The following LCK variants were observed in gnomAD, a reference collection of about 807,000 sequenced individuals.
LCK encodes LCK proto-oncogene, Src family tyrosine kinase.
Under a neutral mutation model 64.6 loss-of-function variants are expected in LCK, and 14 were observed. That is an observed-to-expected ratio of 0.22 (90% CI 0.14 to 0.34). The LOEUF (loss-of-function observed/expected upper bound fraction) is 0.34, where lower values mean the gene tolerates loss of function less well. LCK is among the 10% of genes least tolerant of loss of function. The pLI is 1.00. For missense variants in LCK, 434 were observed against 668.1 expected (o/e 0.65, Z 3.86); for synonymous variants, 277 against 263.6 (o/e 1.05, Z -0.49).
At chr1:32,268,086 A>G (rs1639973959) in intron 1 of LCK, among the ~76,000 whole-genome samples, 2 of 148,654 alleles carry the variant, frequency 1.3e-5, no homozygotes, top group African/African-American at 5.0e-5. Context: ...CCCAGCTACT[A>G]GGGAGGCTGA....
At chr1:32,257,194 G>A (rs1328861490) in intron 1 of LCK, among the ~76,000 whole-genome samples, 2 of 151,696 alleles carry the variant, frequency 1.3e-5, no homozygotes, top group African/African-American at 4.8e-5. Context: ...GAAGTGCAGA[G>A]GTTTAGTAAG....
chr1:32,276,851 G>A lies in LCK; in HGVS notation c.964+65G>A, dbSNP rs1488245715. 1.4e-6 allele frequency: 2 copies of A among 1,421,328 alleles called. No individual in the cohort carries two copies. Among genetic ancestry groups the A allele is most frequent in the African/African-American group, 1.4e-5 (1 of 69,970 alleles). The allele number at this position is 1,421,328 out of a possible 1,614,324, so 88.0% of individuals were successfully genotyped here. ...TCCCTGCTGTCCCTGCCAGAGGGTG[G>A]AAATACACCTTTTCTTCTGGCCCAA... On this transcript the variant is annotated intron_variant, in intron 9 of 12. Transcript: ENST00000336890. This position sits in a 1 kb window ranked among gnomAD's most constrained non-coding sequence, Gnocchi z 4.6.
At position 32,276,392 on chromosome 1, in the gene LCK, C is replaced by T; in HGVS notation, c.687C>T (p.Pro229=). The T allele has an allele frequency of 6.2e-7, 1 of 1,611,894 alleles. No individual in the cohort carries two copies. Residue 229 remains proline, a synonymous_variant, in exon 8 of 13, where the codon CCC becomes CCT. Coordinates refer to ENST00000336890, the MANE Select transcript of LCK (RefSeq NM_005356.5). The surrounding 1 kb of genome is among the most constrained non-coding windows in gnomAD (Gnocchi z 4.6). ...RLSRPCQTQK[P]QKPWWEDEWE... ...GCCGCCCCTGCCAGACCCAGAAGCC[C>T]CAGAAGCCGTGGTGGGAGGACGAGT...
At chr1:32,279,501 C>A (rs1010269639) in intron 9 of LCK, 170 bp from the exon 10 acceptor site, 3 of 1,349,462 alleles carry the variant, frequency 2.2e-6, no homozygotes, top group East Asian at 4.7e-5. Context: ...TGCAAAAAAA[C>A]CTTTACATAT....
At chr1:32,262,867 A>AG (rs1639811992) in intron 1 of LCK, among the ~76,000 whole-genome samples, 2 of 136,800 alleles carry the variant, frequency 1.5e-5, no homozygotes, top group South Asian at 2.6e-4. Flanking sequence ...GGAGGAAGGG[A>AG]GAAAAAAAAA....
chr1:32,280,122 C>T lies in LCK; in HGVS notation c.1239C>T (p.Asn413=), dbSNP rs1409309215. ...AGTGGACAGCGCCAGAAGCCATTAA[C>T]TACGGGACATTCACCATCAAGTCAG... The part of the protein sequence containing the change: ...PIKWTAPEAI[N]YGTFTIKSDV... The change falls in exon 12 of 13, where the codon AAC becomes AAT. Residue 413 remains asparagine, a synonymous_variant. Coordinates refer to ENST00000336890, the MANE Select transcript of LCK (RefSeq NM_005356.5). 1 of 1,614,056 alleles carries T rather than the reference C, an allele frequency of 6.2e-7. No individual in the cohort carries two copies. Among genetic ancestry groups the T allele is most frequent in the Non-Finnish European group, 8.5e-7 (1 of 1,180,038 alleles).
At position 32,274,421 on chromosome 1, in the gene LCK, A is replaced by G. The variant is rs1342708327; in HGVS notation, c.92A>G (p.Asp31Gly). The G allele has an allele frequency of 6.2e-7, 1 of 1,612,760 alleles. No homozygotes were observed. The highest frequency in any genetic ancestry group is 1.7e-5 in the Admixed American group (1 of 59,916). ...ENCHYPIVPL[D>G]GKGTLLIRNG... ...TGCCATTATCCCATAGTCCCACTGG[A>G]TGGCAAGGGCACGGTAAGAGGCGAG... is the stretch of plus-strand genomic sequence containing the variant. Residue 31 changes from aspartate (D) to glycine (G), a missense_variant, in exon 2 of 13, where the codon GAT (aspartate) becomes GGT (glycine). Asp to Gly is a moderately conservative substitution (Grantham distance 94). Transcript: ENST00000336890.
chr1:32,284,623 G>T (rs1213515763), intron 12 of LCK, among the ~76,000 whole-genome samples: 1 of 152,062 alleles, frequency 6.6e-6, no homozygotes, highest in East Asian at 1.9e-4. Context: ...GCCTGCTTTG[G>T]CCTCCCACCA....
chr1:32,261,450 A>T (rs1639766719), intron 1 of LCK, among the ~76,000 whole-genome samples: 1 of 151,570 alleles, frequency 6.6e-6, no homozygotes, highest in South Asian at 2.1e-4. Flanking sequence ...GTTCAAGACC[A>T]GCCTAGCCAA....
intron 1 of LCK, among the ~76,000 whole-genome samples, chr1:32,261,073 A>T (rs1639755893): frequency 6.6e-6 from 1 of 151,148 alleles, no homozygotes; most frequent in South Asian, 2.1e-4. Context: ...AATTTAATTA[A>T]TTTTTTCTTT....
In LCK at chr1:32,276,271, G is replaced by A; in HGVS notation, c.632-66G>A. Reference sequence around the variant, plus strand: ...CACCTAGATGGGGGCTTGGAGAAGTGGGGGAGGTGGTGTCAATACGAGGCC... The same window carrying A: ...CACCTAGATGGGGGCTTGGAGAAGTAGGGGAGGTGGTGTCAATACGAGGCC... On this transcript the variant is annotated intron_variant, in intron 7 of 12. Coordinates refer to ENST00000336890, the MANE Select transcript of LCK (RefSeq NM_005356.5). This position sits in a 1 kb window ranked among gnomAD's most constrained non-coding sequence, Gnocchi z 4.6. 16 of 1,513,724 alleles carry A rather than the reference G, an allele frequency of 1.1e-5. No individual in the cohort carries two copies. Among genetic ancestry groups the A allele is most frequent in the Non-Finnish European group, 1.4e-5 (16 of 1,134,796 alleles). 93.8% of individuals were successfully genotyped at this position (1,513,724 alleles called of 1,614,324 possible).
intron 1 of LCK, among the ~76,000 whole-genome samples, chr1:32,253,898 T>A (rs113241472): frequency 3.3e-5 from 5 of 151,836 alleles, no homozygotes; most frequent in African/African-American, 1.2e-4. Context: ...ATACATATCA[T>A]GGGAAAATCT....
rs1285130097 is a variant in LCK, at chr1:32,286,049, A to G, written c.*333A>G. 2.5e-6 allele frequency: 1 copy of G among 402,078 alleles called. No homozygotes were observed. The highest frequency in any genetic ancestry group is 4.6e-6 in the Non-Finnish European group (1 of 217,180). The allele number at this position is 402,078 out of a possible 1,614,324, so 24.9% of individuals were successfully genotyped here. ...TGCCCACCTACTTTTCTTTCCTCAG[A>G]TCATCCAGAAGTTCCTCAAGGGCCA... On this transcript the variant is annotated 3_prime_UTR_variant, in exon 13 of 13. Coordinates refer to ENST00000336890, the MANE Select transcript of LCK (RefSeq NM_005356.5).
At chr1:32,268,476 C>G (rs1639989423) in intron 1 of LCK, among the ~76,000 whole-genome samples, 1 of 151,362 alleles carries the variant, frequency 6.6e-6, no homozygotes, top group Admixed American at 6.6e-5. Flanking sequence ...CCATGCCCAG[C>G]TAGTTTTTAT....
intron 1 of LCK, among the ~76,000 whole-genome samples, chr1:32,271,444 AGAAG>A (rs1341262581): frequency 6.6e-6 from 1 of 152,156 alleles, no homozygotes; most frequent in Non-Finnish European, 1.5e-5. Context: ...TGGGAGGCCA[AGAAG>A]GAAGGATCAC....
At chr1:32,271,835 AC>A (rs1481036597) in intron 1 of LCK, among the ~76,000 whole-genome samples, 4 of 151,896 alleles carry the variant, frequency 2.6e-5, no homozygotes, top group African/African-American at 7.3e-5. Context: ...CTCTTGATGA[AC>A]CCCCACTCTC....
At chr1:32,260,214 T>A (rs889237440) in intron 1 of LCK, among the ~76,000 whole-genome samples, 1 of 152,088 alleles carries the variant, frequency 6.6e-6, no homozygotes, top group African/African-American at 2.4e-5. Context: ...GGTTTCGCCA[T>A]GTTGGCCAGA....
chr1:32,272,358 G>A (rs945089206), intron 1 of LCK, among the ~76,000 whole-genome samples: 8 of 152,142 alleles, frequency 5.3e-5, no homozygotes, highest in African/African-American at 1.9e-4. Context: ...GGAGGCCAAG[G>A]CAGGAGGATT....
intron 1 of LCK, among the ~76,000 whole-genome samples, chr1:32,261,360 G>C (rs1259032126): frequency 6.7e-6 from 1 of 148,792 alleles, no homozygotes; most frequent in Non-Finnish European, 1.5e-5. Context: ...AGATTCTCCT[G>C]CTGGCCGGGC....
Sources: allele counts gnomAD v4.1 joint callset (sites outside exome capture counted in the v4.1 genomes callset), GRCh38; gene constraint gnomAD v4.1.1; non-coding constraint Gnocchi (gnomAD v3.1); transcripts MANE v1.5; gene names NCBI Gene and HGNC (gene_info 2026-07-23, HGNC 2026-07-21).